DDX19A: variants seen among roughly 807,000 people sequenced by gnomAD.
The protein encoded by DDX19A is ATP-dependent RNA helicase DDX19A.
Under a neutral mutation model 60.6 loss-of-function variants are expected in DDX19A, and 12 were observed. That is an observed-to-expected ratio of 0.20 (90% CI 0.13 to 0.32). DDX19A has a LOEUF of 0.32. DDX19A is among the 10% of genes least tolerant of loss of function. The probability of loss-of-function intolerance (pLI) is 1.00; values close to 1 mark genes in which losing one functional copy is unlikely to be tolerated. For missense variants in DDX19A, 337 were observed against 600.6 expected, an observed-to-expected ratio of 0.56 and a Z score of 4.59; for synonymous variants, 206 against 218.2, an observed-to-expected ratio of 0.94 and a Z score of 0.49.
rs1331965392 is a variant in DDX19A at position 70,370,215 on chromosome 16, T to A, written c.1021-8T>A. On this transcript the variant is annotated splice_region_variant and splice_polypyrimidine_tract_variant and intron_variant, in intron 9 of 11. Coordinates refer to ENST00000302243, the MANE Select transcript of DDX19A (RefSeq NM_018332.5). ...ACTTTCATTTCTCAATTGTTTTTTT[T>A]CTTCCAGACTCGCAAAACAGCTAGT... is the stretch of plus-strand genomic sequence containing the variant. 6.2e-7 allele frequency: 1 copy of A among 1,600,808 alleles called. No homozygotes were observed. Among genetic ancestry groups the A allele is most frequent in the Non-Finnish European group, 8.5e-7 (1 of 1,176,822 alleles).
intron 2 of DDX19A, among the ~76,000 whole-genome samples, 153 bp downstream of exon 2, chr16:70,350,758 A>G (rs1446850965): frequency 6.7e-6 from 1 of 149,704 alleles, no homozygotes; most frequent in Admixed American, 6.8e-5. Context: ...GGATATGTCG[A>G]TTTTCCACAT....
At chr16:70,366,011 G>T in intron 7 of DDX19A, 74 bp from the exon 8 acceptor site, 2 of 1,607,720 alleles carry the variant, frequency 1.2e-6, no homozygotes, top group Middle Eastern at 1.7e-4. Flanking sequence ...GTCCTAGAAG[G>T]ATGGGCAGGG....
chr16:70,351,096 A>T (rs1054176780), intron 2 of DDX19A, among the ~76,000 whole-genome samples: 3 of 149,910 alleles, frequency 2.0e-5, no homozygotes, highest in Admixed American at 6.7e-5. Context: ...GTTAGCCAGG[A>T]TGGTCTTGAT....
Position 70,346,933 on chromosome 16 carries a change from C to T in DDX19A, c.-59C>T, listed in dbSNP as rs765265868. 3.2e-6 allele frequency: 5 copies of T among 1,549,038 alleles called. No individual in the cohort carries two copies. The South Asian group carries it at 4.6e-5, about 14-fold the overall frequency. On this transcript the variant is annotated 5_prime_UTR_variant, in exon 1 of 12. Transcript: ENST00000302243. ...CTCGCGCCGGTGGCGAGGTTAGGGC[C>T]CGCGTTGCGACGTGGTGCAGCGCAT...
intron 9 of DDX19A, among the ~76,000 whole-genome samples, chr16:70,369,649 T>A (rs1038649406): frequency 1.1e-4 from 16 of 149,546 alleles, no homozygotes; most frequent in African/African-American, 3.7e-4. Context: ...GACAAGGTCT[T>A]GCTCCGTCAC....
rs1218902441 is a variant in DDX19A, at chr16:70,347,077, A to G, written c.57+29A>G. On this transcript the variant is annotated intron_variant, in intron 1 of 11. Transcript: ENST00000302243. Reference sequence around the variant, plus strand: ...AGTAGCTCAGCTCCTGGCGAGGAGGACGTAGCAGGGGCCCAAGCGAAACCT... The same window carrying G: ...AGTAGCTCAGCTCCTGGCGAGGAGGGCGTAGCAGGGGCCCAAGCGAAACCT... The G allele has an allele frequency of 2.5e-6, 4 of 1,602,356 alleles. No individual in the cohort carries two copies. In the African/African-American group the frequency reaches 5.3e-5, roughly 21 times the overall value.
intron 1 of DDX19A, among the ~76,000 whole-genome samples, chr16:70,350,254 G>T (rs1330152529): frequency 4.6e-5 from 7 of 152,166 alleles, no homozygotes; most frequent in Admixed American, 2.0e-4. Context: ...CCTTGTCTCA[G>T]AAAATAAATA....
rs768469452 is a variant in DDX19A, at chr16:70,347,094, G to A, written c.57+46G>A. On this transcript the variant is annotated intron_variant, in intron 1 of 11. Coordinates refer to ENST00000302243, the MANE Select transcript of DDX19A (RefSeq NM_018332.5). ...CGAGGAGGACGTAGCAGGGGCCCAA[G>A]CGAAACCTCCCAAAAGCACAGGGAG... 3.2e-6 allele frequency: 5 copies of A among 1,580,886 alleles called. No homozygotes were observed. The South Asian group carries it at 5.7e-5, about 18-fold the overall frequency.
At chr16:70,358,813 T>A (rs1964292035) in intron 4 of DDX19A, among the ~76,000 whole-genome samples, 1 of 152,186 alleles carries the variant, frequency 6.6e-6, no homozygotes, top group African/African-American at 2.4e-5. Flanking sequence ...TGCCGTTCGT[T>A]GCACTCCAGC....
At chr16:70,350,859 A>ATTTG (rs1963989901) in intron 2 of DDX19A, among the ~76,000 whole-genome samples, 1 of 148,684 alleles carries the variant, frequency 6.7e-6, no homozygotes, top group South Asian at 2.1e-4. Context: ...TTATTTATTT[A>ATTTG]TTTATTTATT....
At chr16:70,363,625 GCACC>G (rs1567654895) in intron 5 of DDX19A, 1 of 148,984 alleles carries the variant, frequency 6.7e-6, no homozygotes, top group African/African-American at 2.5e-5. Context: ...GTGAGCCACC[GCACC>G]CAGCCTAATT....
At chr16:70,362,340 CAAAAAAAA>C (rs566741768) in intron 5 of DDX19A, among the ~76,000 whole-genome samples, 1 of 46,398 alleles carries the variant, frequency 2.2e-5, no homozygotes, top group African/African-American at 7.5e-5. Flanking sequence ...GACTCTGTCT[CAAAAAAAA>C]AAAAAAAAAA....
chr16:70,356,131 C>G lies in DDX19A; in HGVS notation c.177C>G (p.Ser59=). 6.2e-7 allele frequency: 1 copy of G among 1,613,904 alleles called. No homozygotes were observed. Among genetic ancestry groups the G allele is most frequent in the Non-Finnish European group, 8.5e-7 (1 of 1,180,002 alleles). ...TGACAGAGGACAGAGCTGCCCAGTC[C>G]TTACTCAACAAGCTGATCAGAAGCA... ...EEEKEDRAAQ[S]LLNKLIRSNL... is the part of the protein sequence containing the mutation. Residue 59 remains serine, a synonymous_variant, in exon 4 of 12, where the codon TCC becomes TCG. Coordinates refer to ENST00000302243, the MANE Select transcript of DDX19A (RefSeq NM_018332.5).
intron 7 of DDX19A, chr16:70,365,432 T>C (rs1964492473): frequency 4.7e-6 from 1 of 214,532 alleles, no homozygotes; most frequent in South Asian, 7.0e-5. Flanking sequence ...TTCTGGGACC[T>C]GCTACCAAAG....
At chr16:70,358,117 A>G (rs554990571) in intron 4 of DDX19A, among the ~76,000 whole-genome samples, 10 of 151,520 alleles carry the variant, frequency 6.6e-5, no homozygotes, top group Non-Finnish European at 1.2e-4. Flanking sequence ...TGCAACCTCT[A>G]CCTCCCGGGT....
Position 70,372,183 on chromosome 16 carries a change from A to G in DDX19A, c.*197A>G, listed in dbSNP as rs769445452. 2.3e-6 allele frequency: 2 copies of G among 861,196 alleles called. No individual in the cohort carries two copies. Among genetic ancestry groups the G allele is most frequent in the South Asian group, 3.6e-5 (2 of 56,010 alleles). The allele number at this position is 861,196 out of a possible 1,614,324, so 53.3% of individuals were successfully genotyped here. ...GGGGGCAATAGAAGAAAAAATTTGCATTTTGGAAAATTGGGTCCTTTCCCC... is the reference window on the plus strand; with the variant it reads ...GGGGGCAATAGAAGAAAAAATTTGCGTTTTGGAAAATTGGGTCCTTTCCCC... On this transcript the variant is annotated 3_prime_UTR_variant, in exon 12 of 12. Transcript: ENST00000302243.
intron 9 of DDX19A, among the ~76,000 whole-genome samples, chr16:70,367,426 C>CAAA (rs988663616): frequency 7.9e-6 from 1 of 126,836 alleles, no homozygotes. Context: ...GACTCCGTCT[C>CAAA]AAAAAAAAAA....
intron 9 of DDX19A, among the ~76,000 whole-genome samples, chr16:70,367,752 C>T (rs1479806325): frequency 6.7e-6 from 1 of 150,262 alleles, no homozygotes; most frequent in Non-Finnish European, 1.5e-5. Flanking sequence ...TGGTGCATGC[C>T]TGTAATCCCA....
chr16:70,356,001 T>C, intron 3 of DDX19A, 111 bp from the exon 4 acceptor site: 2 of 1,399,702 alleles, frequency 1.4e-6, no homozygotes. Context: ...ATGGTTTTTC[T>C]CCAGCCGTGC....
Sources: gnomAD v4.1 joint callset for allele counts (sites outside exome capture counted in the v4.1 genomes callset) on GRCh38, gnomAD v4.1.1 for gene constraint, MANE v1.5 for transcripts, NCBI Gene and HGNC (gene_info 2026-07-23, HGNC 2026-07-21) for gene names.